The following SLC35F3 variants were observed in gnomAD, a reference collection of about 807,000 sequenced individuals.
The protein encoded by SLC35F3 is solute carrier family 35 member F3.
SLC35F3 carries 25 observed loss-of-function variants against 49.9 expected under a neutral mutation model. The ratio of observed to expected loss-of-function variants is 0.50; its 90% confidence interval spans 0.37 to 0.70. SLC35F3 has a LOEUF of 0.70. Among genes scored for constraint, SLC35F3 ranks in the 30% least tolerant of loss-of-function variants. The probability of loss-of-function intolerance (pLI) is 0.00; values close to 1 mark genes in which losing one functional copy is unlikely to be tolerated. For missense variants in SLC35F3, 525 were observed against 639.8 expected, an observed-to-expected ratio of 0.82 and a Z score of 1.94; for synonymous variants, 275 against 265.4, an observed-to-expected ratio of 1.04 and a Z score of -0.35.
intron 3 of SLC35F3, among the ~76,000 whole-genome samples, chr1:234,246,128 C>T (rs370442198): frequency 7.9e-5 from 12 of 152,132 alleles, no homozygotes; most frequent in African/African-American, 2.7e-4. Flanking sequence ...GAGAGTAGTA[C>T]ACTGGCCTCT....
chr1:234,052,475 G>A (rs1352591893), intron 2 of SLC35F3, among the ~76,000 whole-genome samples: 2 of 152,144 alleles, frequency 1.3e-5, no homozygotes, highest in East Asian at 3.8e-4. Flanking sequence ...TGTGGGATCA[G>A]TGGTGATATC....
intron 2 of SLC35F3, among the ~76,000 whole-genome samples, chr1:233,948,190 GGA>G (rs1319914110): frequency 3.2e-5 from 3 of 94,938 alleles, no homozygotes; most frequent in South Asian, 4.3e-4. Flanking sequence ...AAGAGGGAGG[GGA>G]GAGAGAGAGA....
At chr1:234,296,833 C>T (rs1471805803) in intron 3 of SLC35F3, among the ~76,000 whole-genome samples, 1 of 152,222 alleles carries the variant, frequency 6.6e-6, no homozygotes, top group African/African-American at 2.4e-5. Context: ...CGTTCCCTCT[C>T]CAAGACCTTA....
At chr1:233,955,641 C>T (rs969764591) in intron 2 of SLC35F3, among the ~76,000 whole-genome samples, 1 of 152,124 alleles carries the variant, frequency 6.6e-6, no homozygotes, top group Admixed American at 6.5e-5. Context: ...ACATCTCTTA[C>T]CTGCACTACC....
At chr1:234,031,705 C>T (rs753708781) in intron 2 of SLC35F3, among the ~76,000 whole-genome samples, 8 of 152,300 alleles carry the variant, frequency 5.3e-5, no homozygotes, top group Admixed American at 2.0e-4. Context: ...CCACTGCCCC[C>T]AGTCCAACTC....
At chr1:234,204,853 A>G (rs1666948093) in intron 2 of SLC35F3, among the ~76,000 whole-genome samples, 1 of 152,206 alleles carries the variant, frequency 6.6e-6, no homozygotes, top group African/African-American at 2.4e-5. Flanking sequence ...TGCTTCACAG[A>G]AAGGAACAGG....
intron 2 of SLC35F3, among the ~76,000 whole-genome samples, chr1:234,228,193 C>T (rs1667317129): frequency 1.3e-5 from 2 of 152,154 alleles, no homozygotes; most frequent in Admixed American, 1.3e-4. Flanking sequence ...CATTTCAGAT[C>T]TCACCACCAT....
intron 2 of SLC35F3, among the ~76,000 whole-genome samples, chr1:234,136,043 A>G (rs1267230883): frequency 5.9e-5 from 9 of 152,230 alleles, no homozygotes; most frequent in Non-Finnish European, 1.3e-4. Flanking sequence ...CTGTTTATAG[A>G]TATGAAAGGT....
chr1:234,199,055 C>CAAAA (rs58267652), intron 2 of SLC35F3, among the ~76,000 whole-genome samples: 63 of 137,774 alleles, frequency 4.6e-4, no homozygotes, highest in African/African-American at 1.5e-3. Flanking sequence ...CTTATTTCTA[C>CAAAA]AAAAAAAAAA....
chr1:234,081,936 T>TTTA (rs1206793825), intron 2 of SLC35F3, among the ~76,000 whole-genome samples: 21 of 131,860 alleles, frequency 1.6e-4, no homozygotes, highest in Non-Finnish European at 6.3e-5. Flanking sequence ...TTTTTTTTTT[T>TTTA]AGTAGAGACA....
chr1:234,119,290 T>A (rs1425886959), intron 2 of SLC35F3, among the ~76,000 whole-genome samples: 2 of 147,016 alleles, frequency 1.4e-5, no homozygotes, highest in East Asian at 4.9e-4. Context: ...GGCCTCTCAA[T>A]TCATGGTGAT....
intron 2 of SLC35F3, among the ~76,000 whole-genome samples, chr1:234,115,779 G>T (rs750991963): frequency 6.6e-6 from 1 of 152,108 alleles, no homozygotes; most frequent in East Asian, 1.9e-4. Flanking sequence ...AAAATCAAGG[G>T]CATTTTATTA....
intron 2 of SLC35F3, among the ~76,000 whole-genome samples, chr1:233,915,313 T>G (rs572765923): frequency 6.6e-6 from 1 of 152,214 alleles, no homozygotes; most frequent in Non-Finnish European, 1.5e-5. Flanking sequence ...TGTTTCTTAG[T>G]GTATGTCAAT....
chr1:233,996,474 T>A (rs1046487393), intron 2 of SLC35F3, among the ~76,000 whole-genome samples: 2 of 152,084 alleles, frequency 1.3e-5, no homozygotes, highest in African/African-American at 4.8e-5. Flanking sequence ...AGGTGTGAAT[T>A]TGGAAGGGTT....
intron 2 of SLC35F3, among the ~76,000 whole-genome samples, chr1:234,073,543 T>C (rs541149897): frequency 6.6e-6 from 1 of 152,322 alleles, no homozygotes; most frequent in African/African-American, 2.4e-5. Flanking sequence ...GCCATTGCTG[T>C]TGGAGACTGT....
At chr1:234,120,860 A>T (rs1001150125) in intron 2 of SLC35F3, among the ~76,000 whole-genome samples, 10 of 152,224 alleles carry the variant, frequency 6.6e-5, no homozygotes, top group African/African-American at 2.4e-4. Context: ...TCTTTTAAGC[A>T]TTCACTAAAT....
At position 234,055,038 on chromosome 1, in the gene SLC35F3, G is replaced by A. The variant is rs570610913; in HGVS notation, c.283+149280G>A. Reference sequence around the variant, plus strand: ...CCCAGAGGGGCACTCGGCCGTATGAGGTGTCAGGTGCCCCTACTGGGAGGT... The same window carrying A: ...CCCAGAGGGGCACTCGGCCGTATGAAGTGTCAGGTGCCCCTACTGGGAGGT... On this transcript the variant is annotated intron_variant, in intron 2 of 7. Coordinates refer to ENST00000366618, the MANE Select transcript of SLC35F3 (RefSeq NM_173508.4). 5.3e-5 allele frequency among the ~76,000 whole-genome samples: 8 copies of A among 152,288 alleles called. No homozygotes were observed. The South Asian group carries it at 1.4e-3, about 28-fold the overall frequency.
intron 2 of SLC35F3, among the ~76,000 whole-genome samples, chr1:234,159,085 T>C (rs1038361807): frequency 3.3e-5 from 5 of 152,180 alleles, no homozygotes; most frequent in Non-Finnish European, 7.3e-5. Context: ...CAGAGCATTA[T>C]AGATGTTATA....
At position 234,163,458 on chromosome 1, in the gene SLC35F3, AGAGTGAGT is replaced by A. The variant is rs769079449; in HGVS notation, c.284-67943_284-67936del. 1.8e-3 allele frequency among the ~76,000 whole-genome samples: 274 copies of A among 152,050 alleles called. 1 individual carries two copies. The highest frequency in any genetic ancestry group is 2.6e-3 in the Non-Finnish European group (177 of 67,984). On this transcript the variant is annotated intron_variant, in intron 2 of 7. Coordinates refer to ENST00000366618, the MANE Select transcript of SLC35F3 (RefSeq NM_173508.4). ...AGAGCAAGATCTGGGTTGCTGAGAC[AGAGTGAGT>A]GAGTGAGTGAGTGAGAGTGTAAACA...
Sources: allele counts gnomAD v4.1 joint callset (sites outside exome capture counted in the v4.1 genomes callset), GRCh38; gene constraint gnomAD v4.1.1; transcripts MANE v1.5; gene names NCBI Gene and HGNC (gene_info 2026-07-23, HGNC 2026-07-21).